The following OPHN1 variants were observed in gnomAD, a reference collection of about 807,000 sequenced individuals.
OPHN1 encodes oligophrenin-1.
OPHN1 carries 11 observed loss-of-function variants against 60.7 expected under a neutral mutation model. The ratio of observed to expected loss-of-function variants is 0.18; its 90% CI spans 0.11 to 0.30. OPHN1 has a LOEUF of 0.30. OPHN1 is among the 10% of genes least tolerant of loss of function. The pLI, the probability that OPHN1 is intolerant of heterozygous loss-of-function variation, is 1.00. For synonymous variants in OPHN1, 226 were observed against 222.6 expected, an observed-to-expected ratio of 1.02 and a Z score of -0.14; for missense variants, 449 against 611.0, an observed-to-expected ratio of 0.73 and a Z score of 2.80.
At chrX:68,346,015 G>C (rs904243583) in intron 2 of OPHN1, among the ~76,000 whole-genome samples, 5 of 111,558 alleles carry the variant, frequency 4.5e-5, no homozygotes, top group African/African-American at 1.3e-4. Context: ...TGTAGTCCCA[G>C]CTACTAGGGG....
intron 6 of OPHN1, 98 bp downstream of exon 6, chrX:68,234,389 C>A (rs1370105136): frequency 3.0e-6 from 2 of 677,468 alleles, no homozygotes; most frequent in South Asian, 2.2e-5. Context: ...AGGTTCCCTG[C>A]TGAGACGGGG....
intron 6 of OPHN1, among the ~76,000 whole-genome samples, chrX:68,218,508 A>C (rs2147494448): frequency 9.1e-6 from 1 of 109,852 alleles, no homozygotes; most frequent in Admixed American, 9.8e-5. Context: ...TGAAGGAAAA[A>C]ATGTTAAGGG....
chrX:68,299,143 T>C (rs754346616), intron 2 of OPHN1, 47 bp from the exon 3 acceptor site: 1 of 852,702 alleles, frequency 1.2e-6, no homozygotes, highest in Non-Finnish European at 1.7e-6. Flanking sequence ...TGCTATGCTT[T>C]GATCTATTTC....
At chrX:68,415,796 C>T (rs2078791015) in intron 2 of OPHN1, among the ~76,000 whole-genome samples, 1 of 110,109 alleles carries the variant, frequency 9.1e-6, no homozygotes, top group South Asian at 3.8e-4. Flanking sequence ...AGGCAGATCA[C>T]CTGGGGCCAG....
At chrX:68,130,069 A>G (rs1195020296) in intron 15 of OPHN1, among the ~76,000 whole-genome samples, 1 of 111,693 alleles carries the variant, frequency 9.0e-6, no homozygotes, top group East Asian at 2.8e-4. Flanking sequence ...ATATAACACA[A>G]GTGTGTGTCC....
intron 5 of OPHN1, among the ~76,000 whole-genome samples, chrX:68,271,621 T>C (rs1007609085): frequency 1.8e-5 from 2 of 110,893 alleles, no homozygotes; most frequent in Admixed American, 9.7e-5. Flanking sequence ...ATAGTTACTA[T>C]GTAAGCAGGA....
rs891309000 is a variant in OPHN1 at position 68,043,618 on chromosome X, A to G, written c.*3554T>C. On this transcript the variant is annotated 3_prime_UTR_variant, in exon 25 of 25. Coordinates refer to ENST00000355520, the MANE Select transcript of OPHN1 (RefSeq NM_002547.3). ...TCAAAGAACTTCTTGAAAAGAGAATACTTTCCCATGATAACCAATTACTTT... is the reference window on the plus strand; with the variant it reads ...TCAAAGAACTTCTTGAAAAGAGAATGCTTTCCCATGATAACCAATTACTTT... The G allele has an allele frequency of 8.9e-6, 1 of 111,789 alleles. No homozygotes were observed. Among genetic ancestry groups the G allele is most frequent in the Non-Finnish European group, 1.9e-5 (1 of 53,203 alleles). The allele number at this position is 111,789 out of a possible 1,213,427, so 9.2% of individuals were successfully genotyped here.
chrX:68,397,500 CTT>C (rs1490417071), intron 2 of OPHN1, among the ~76,000 whole-genome samples: 3 of 86,193 alleles, frequency 3.5e-5, no homozygotes, highest in Non-Finnish European at 6.7e-5. Context: ...TAGGTTGACA[CTT>C]TTTTCTTTTA....
rs200242403 is a variant in OPHN1, at chrX:68,276,014, C to CA, written c.313-1206dup. Among the ~76,000 whole-genome samples, 217 of 107,460 alleles carry CA rather than the reference C, an allele frequency of 2.0e-3. 1 individual carries two copies. The highest frequency in any genetic ancestry group is 6.4e-3 in the African/African-American group (189 of 29,606). 93.3% of individuals were successfully genotyped at this position (107,460 alleles called of 115,157 possible). A position where few individuals can be genotyped will look rare whatever the true frequency, so the allele number is the denominator to read the frequency against. The stretch of plus-strand genomic sequence containing the variant: ...ATCATCCAGGACAGCCAGCACCCAG[C>CA]AAAAAAAAATATAAAACTAGGCAAG... On this transcript the variant is annotated intron_variant, in intron 4 of 24. Transcript: ENST00000355520.
intron 2 of OPHN1, among the ~76,000 whole-genome samples, chrX:68,416,004 G>C (rs1360619704): frequency 1.0e-5 from 1 of 98,698 alleles, no homozygotes; most frequent in Non-Finnish European, 2.0e-5. Context: ...GACAGAGCAA[G>C]ACTCCGTCTC....
intron 2 of OPHN1, among the ~76,000 whole-genome samples, chrX:68,314,723 C>A (rs1356408687): frequency 9.1e-6 from 1 of 109,835 alleles, no homozygotes; most frequent in African/African-American, 3.3e-5. Flanking sequence ...TGGTGGCTCA[C>A]ACTTGTAACC....
At chrX:68,208,155 A>G (rs1448911543) in intron 9 of OPHN1, among the ~76,000 whole-genome samples, 1 of 109,322 alleles carries the variant, frequency 9.1e-6, no homozygotes, top group Non-Finnish European at 1.9e-5. Context: ...TAATGGCACC[A>G]TCTCGGCTGA....
At chrX:68,320,549 A>G (rs974873250) in intron 2 of OPHN1, among the ~76,000 whole-genome samples, 8 of 107,575 alleles carry the variant, frequency 7.4e-5, no homozygotes, top group Non-Finnish European at 1.3e-4. Flanking sequence ...ACCCCCCCCC[A>G]TTTTTCTATA....
chrX:68,082,788 C>A lies in OPHN1; in HGVS notation c.1687-9489G>T, dbSNP rs143924195. On this transcript the variant is annotated intron_variant, in intron 19 of 24. Transcript: ENST00000355520. ...TGCATTAGTCCTTAATGAAAAGAGT[C>A]AGCCTGTCCTGTGAAACTTTGAACC... 7.7e-3 allele frequency among the ~76,000 whole-genome samples: 859 copies of A among 112,014 alleles called. 7 individuals carry two copies. The highest frequency in any genetic ancestry group is 0.026 in the South Asian group (69 of 2,671).
At chrX:68,096,232 A>G (rs996065127) in intron 19 of OPHN1, among the ~76,000 whole-genome samples, 2 of 111,636 alleles carry the variant, frequency 1.8e-5, no homozygotes, top group African/African-American at 6.5e-5. Flanking sequence ...AAACACCAAG[A>G]AGAATCTGAA....
intron 16 of OPHN1, among the ~76,000 whole-genome samples, chrX:68,116,197 G>A (rs762881232): frequency 2.7e-5 from 3 of 111,359 alleles, no homozygotes; most frequent in Non-Finnish European, 5.7e-5. Context: ...AAGGGCACCT[G>A]GCTCTTAGTT....
At chrX:68,162,591 C>T (rs980249820) in intron 15 of OPHN1, among the ~76,000 whole-genome samples, 22 of 109,925 alleles carry the variant, frequency 2.0e-4, no homozygotes, top group African/African-American at 6.6e-4. Context: ...AATTGTCTCT[C>T]TATGGAAATT....
At chrX:68,056,096 A>G (rs2765958) in intron 21 of OPHN1, among the ~76,000 whole-genome samples, 52,126 of 109,736 alleles carry the variant, frequency 0.48, 11,208 homozygotes, top group African/African-American at 0.84. Context: ...AGAACTTAAA[A>G]TATAATTTAA....
At position 68,063,212 on chromosome X, in the gene OPHN1, A is replaced by AC. The variant is rs1344592974; in HGVS notation, c.2158+641_2158+642insG. 2.7e-5 allele frequency among the ~76,000 whole-genome samples: 3 copies of AC among 110,872 alleles called. No individual in the cohort carries two copies. In the Admixed American group the frequency reaches 2.9e-4, roughly 11 times the overall value. On this transcript the variant is annotated intron_variant, in intron 21 of 24. Transcript: ENST00000355520. ...CAAATTAAAAAAAACAAACAAACAA[A>AC]AAAAAAAACAGGAATAATACATTCT...
Sources: allele counts gnomAD v4.1 joint callset (sites outside exome capture counted in the v4.1 genomes callset), GRCh38; gene constraint gnomAD v4.1.1; transcripts MANE v1.5; gene names NCBI Gene and HGNC (gene_info 2026-07-23, HGNC 2026-07-21).